The following TANC1 variants were observed in gnomAD, a reference collection of about 807,000 sequenced individuals.
TANC1 encodes the protein tetratricopeptide repeat, ankyrin repeat and coiled-coil containing 1.
TANC1 carries 77 observed loss-of-function variants against 149.7 expected under a neutral mutation model. That is an observed-to-expected ratio of 0.51 (90% CI 0.43 to 0.62). The LOEUF (loss-of-function observed/expected upper bound fraction) is 0.62, where lower values mean the gene tolerates loss of function less well. Among genes scored for constraint, TANC1 ranks in the 20% least tolerant of loss-of-function variants. TANC1 has a pLI of 0.00. For synonymous variants in TANC1, 854 were observed against 925.0 expected (o/e 0.92, Z 1.39); for missense variants, 1,985 against 2,321.8 (o/e 0.85, Z 2.98).
At chr2:159,193,138 C>A (rs2057582990) in intron 16 of TANC1, among the ~76,000 whole-genome samples, 1 of 152,182 alleles carries the variant, frequency 6.6e-6, no homozygotes, top group African/African-American at 2.4e-5. Context: ...CTCATTTCCC[C>A]TGTGCCCAGG....
chr2:159,115,888 C>T (rs1383459657), intron 4 of TANC1, among the ~76,000 whole-genome samples: 1 of 152,088 alleles, frequency 6.6e-6, no homozygotes. Flanking sequence ...TCCTGGGATT[C>T]CAAGTAATGC....
chr2:159,009,560 A>G (rs1489600376), intron 2 of TANC1, among the ~76,000 whole-genome samples: 1 of 152,188 alleles, frequency 6.6e-6, no homozygotes, highest in African/African-American at 2.4e-5. Flanking sequence ...TCATGGAAGT[A>G]GAGAGTAGAA....
At chr2:159,014,421 C>T (rs951267800) in intron 2 of TANC1, among the ~76,000 whole-genome samples, 1 of 152,218 alleles carries the variant, frequency 6.6e-6, no homozygotes, top group African/African-American at 2.4e-5. Flanking sequence ...GTCCCTCCCA[C>T]AACATGTGGG....
chr2:159,229,563 C>G lies in TANC1; in HGVS notation c.4152-15C>G. On this transcript the variant is annotated splice_polypyrimidine_tract_variant and intron_variant, in intron 26 of 26. Coordinates refer to ENST00000263635, the MANE Select transcript of TANC1 (RefSeq NM_033394.3). The stretch of plus-strand genomic sequence containing the variant: ...GTGTGTGGTTTGTAATGTTACCTTA[C>G]ATTTTCCTACAAAGGCAATTCGTGG... 6.3e-7 allele frequency: 1 copy of G among 1,597,826 alleles called. No homozygotes were observed. Among genetic ancestry groups the G allele is most frequent in the Non-Finnish European group, 8.6e-7 (1 of 1,169,342 alleles).
Position 159,163,309 on chromosome 2 carries a change from G to A in TANC1, c.709G>A (p.Asp237Asn), listed in dbSNP as rs201226033. The stretch of plus-strand genomic sequence containing the variant: ...CACAATTACAAGTTCATCCGAAAAT[G>A]ATGACCGGAGTGGCTCCAGTTTGGA... ...IATITSSSEN[D>N]DRSGSSLEWN... The change falls in exon 8 of 27, where the codon GAT (aspartate) becomes AAT (asparagine). Residue 237 changes from aspartate (D) to asparagine (N), a missense_variant. Around this residue, in one of 3 missense-constraint regions of TANC1, gnomAD observed 557 missense variants for 612.9 expected, o/e 0.91. Coordinates refer to ENST00000263635, the MANE Select transcript of TANC1 (RefSeq NM_033394.3). 1 of 1,613,502 alleles carries A rather than the reference G, an allele frequency of 6.2e-7. No individual in the cohort carries two copies. The highest frequency in any genetic ancestry group is 1.7e-5 in the Admixed American group (1 of 59,876).
At chr2:159,047,698 T>G (rs1022227457) in intron 2 of TANC1, among the ~76,000 whole-genome samples, 3 of 152,182 alleles carry the variant, frequency 2.0e-5, no homozygotes, top group African/African-American at 7.2e-5. Flanking sequence ...TTGATTGATG[T>G]CTCATGTTTC....
chr2:159,039,252 T>C (rs1285209847), intron 2 of TANC1, among the ~76,000 whole-genome samples: 1 of 152,206 alleles, frequency 6.6e-6, no homozygotes, highest in Non-Finnish European at 1.5e-5. Flanking sequence ...TTATTAGTCT[T>C]GCTAGCGGTC....
intron 19 of TANC1, among the ~76,000 whole-genome samples, chr2:159,214,975 C>A (rs2059252806): frequency 1.3e-5 from 2 of 152,166 alleles, no homozygotes; most frequent in African/African-American, 4.8e-5. Context: ...GCCCTGAGCT[C>A]CCTGGGCTGC....
At chr2:159,214,546 TTGGCTC>T (rs2059225767) in intron 19 of TANC1, among the ~76,000 whole-genome samples, 1 of 152,212 alleles carries the variant, frequency 6.6e-6, no homozygotes, top group African/African-American at 2.4e-5. Flanking sequence ...CATGAGGACC[TTGGCTC>T]GGCTTACCAG....
chr2:159,224,317 G>T lies in TANC1; in HGVS notation c.3764G>T (p.Arg1255Leu), dbSNP rs1274814593. ...CCCTTGGACAGAGCCATCGGCTGCC[G>T]GAACACATCTGTAGTGGTGGCGCTA... ...MRPLDRAIGCRNTSVVVALLR... is the reference protein window; with the variant it reads ...MRPLDRAIGCLNTSVVVALLR... The change falls in exon 23 of 27, where the codon CGG becomes CTG. Residue 1255 changes from arginine (R) to leucine (L), a missense_variant. Physicochemically the swap from Arg to Leu is moderately radical, Grantham distance 102. This residue lies in a region of TANC1 where 920 missense variants were observed against 994.7 expected (regional missense o/e 0.92). Coordinates refer to ENST00000263635, the MANE Select transcript of TANC1 (RefSeq NM_033394.3). The T allele has an allele frequency of 6.2e-7, 1 of 1,614,150 alleles. No homozygotes were observed. The highest frequency in any genetic ancestry group is 8.5e-7 in the Non-Finnish European group (1 of 1,180,040).
At chr2:159,152,154 T>G (rs2052886856) in intron 7 of TANC1, among the ~76,000 whole-genome samples, 1 of 152,226 alleles carries the variant, frequency 6.6e-6, no homozygotes, top group African/African-American at 2.4e-5. Flanking sequence ...GTGAGCTTGT[T>G]CTGCTAATTC....
intron 8 of TANC1, among the ~76,000 whole-genome samples, chr2:159,168,527 C>T (rs1381321597): frequency 2.0e-5 from 3 of 152,046 alleles, no homozygotes; most frequent in East Asian, 3.9e-4. Flanking sequence ...GTCTTGAACT[C>T]CTGACCTCAA....
intron 2 of TANC1, among the ~76,000 whole-genome samples, chr2:159,037,388 G>T (rs1249154382): frequency 6.6e-6 from 1 of 152,028 alleles, no homozygotes; most frequent in Non-Finnish European, 1.5e-5. Context: ...TGTCAATTTT[G>T]GCTTTTGTTG....
intron 3 of TANC1, among the ~76,000 whole-genome samples, chr2:159,077,517 A>G (rs1264207881): frequency 1.3e-5 from 2 of 152,202 alleles, no homozygotes. Flanking sequence ...CTGTGCATAT[A>G]TGTATGTGCA....
At chr2:159,187,448 C>T (rs1009195232) in intron 16 of TANC1, among the ~76,000 whole-genome samples, 1 of 152,172 alleles carries the variant, frequency 6.6e-6, no homozygotes, top group African/African-American at 2.4e-5. Flanking sequence ...AAACAAACAT[C>T]GAGGTTTCAT....
At chr2:159,111,995 A>C (rs919837446) in intron 4 of TANC1, among the ~76,000 whole-genome samples, 1 of 152,204 alleles carries the variant, frequency 6.6e-6, no homozygotes, top group Non-Finnish European at 1.5e-5. Flanking sequence ...ACAAACTAGA[A>C]TCTCCTGTTG....
At chr2:159,069,765 CTTTTTTT>C (rs67843631) in intron 3 of TANC1, among the ~76,000 whole-genome samples, 2 of 109,364 alleles carry the variant, frequency 1.8e-5, no homozygotes, top group Non-Finnish European at 3.7e-5. Context: ...TATGTGCAAG[CTTTTTTT>C]TTTTTTTTTT....
chr2:159,198,769 ACT>A (rs1286318967), intron 18 of TANC1, among the ~76,000 whole-genome samples: 1 of 152,058 alleles, frequency 6.6e-6, no homozygotes, highest in Non-Finnish European at 1.5e-5. Flanking sequence ...GCTGAAATTC[ACT>A]GAGATTTTTT....
At chr2:159,197,504 G>A (rs777434207) in intron 18 of TANC1, among the ~76,000 whole-genome samples, 6 of 152,030 alleles carry the variant, frequency 3.9e-5, no homozygotes, top group African/African-American at 9.7e-5. Context: ...TAGTAAATTC[G>A]AGTGGGAAGC....
Sources: allele counts gnomAD v4.1 joint callset (sites outside exome capture counted in the v4.1 genomes callset), GRCh38; gene constraint gnomAD v4.1.1; regional missense constraint gnomAD v4.1.1; transcripts MANE v1.5; gene names NCBI Gene and HGNC (gene_info 2026-07-23, HGNC 2026-07-21).